The following EXOC2 variants were observed in gnomAD, a reference collection of about 807,000 sequenced individuals.
EXOC2 encodes SEC5-like 1.
A neutral mutation model predicts 131.8 loss-of-function variants in EXOC2; 70 were observed. The ratio of observed to expected loss-of-function variants is 0.53; its 90% CI spans 0.44 to 0.65. The LOEUF is 0.65. Ranked by LOEUF, EXOC2 falls within the 30% of genes least tolerant of loss-of-function variation. The pLI is 0.00. For synonymous variants in EXOC2, 411 were observed against 398.4 expected, an observed-to-expected ratio of 1.03 and a Z score of -0.38; for missense variants, 923 against 1,108.6, an observed-to-expected ratio of 0.83 and a Z score of 2.38.
At position 506,632 on chromosome 6, in the gene EXOC2, T is replaced by C. The variant is rs1293407803; in HGVS notation, c.2381-6932A>G. ...TATGAAATTAGAATGTGTCATGATA[T>C]TTGACAAAAAGTGTCCCCACCCACA... On this transcript the variant is annotated intron_variant, in intron 23 of 27. Coordinates refer to ENST00000230449, the MANE Select transcript of EXOC2 (RefSeq NM_018303.6). This position sits in a 1 kb window ranked among gnomAD's most constrained non-coding sequence, Gnocchi z 4.4. Among the ~76,000 whole-genome samples, 1 of 152,016 alleles carries C rather than the reference T, an allele frequency of 6.6e-6. No individual in the cohort carries two copies. The highest frequency in any genetic ancestry group is 1.5e-5 in the Non-Finnish European group (1 of 68,010).
intron 23 of EXOC2, among the ~76,000 whole-genome samples, chr6:516,827 T>C (rs922621872): frequency 3.9e-5 from 6 of 152,204 alleles, no homozygotes; most frequent in Non-Finnish European, 8.8e-5. Flanking sequence ...ATGCTTTCCA[T>C]AGCACCTCAG....
chr6:582,641 G>A (rs1213302333), intron 11 of EXOC2, among the ~76,000 whole-genome samples: 1 of 151,050 alleles, frequency 6.6e-6, no homozygotes, highest in Non-Finnish European at 1.5e-5. Flanking sequence ...GGGGGTGGGG[G>A]TGCGGTGGGC....
At chr6:688,692 T>C (rs13216502) in intron 1 of EXOC2, among the ~76,000 whole-genome samples, 14,598 of 152,192 alleles carry the variant, frequency 0.096, 762 homozygotes, top group Admixed American at 0.13. Context: ...TCTCCTTCTG[T>C]CCTTTCTGGT....
intron 3 of EXOC2, among the ~76,000 whole-genome samples, chr6:632,551 A>G (rs1301715725): frequency 2.6e-5 from 4 of 152,176 alleles, no homozygotes; most frequent in Non-Finnish European, 5.9e-5. Context: ...AGGAAAAGGG[A>G]ATATTATTTA....
Position 657,534 on chromosome 6 carries a change from C to T in EXOC2, c.-43-19673G>A, listed in dbSNP as rs142653291. On this transcript the variant is annotated intron_variant, in intron 1 of 27. Coordinates refer to ENST00000230449, the MANE Select transcript of EXOC2 (RefSeq NM_018303.6). ...ACACAAATGACATTTGGATGATTTC[C>T]AATTTTTTGCTATTATGAACACAAT... Among the ~76,000 whole-genome samples, 19 of 152,214 alleles carry T rather than the reference C, an allele frequency of 1.2e-4. No homozygotes were observed. In the East Asian group the frequency reaches 3.5e-3, roughly 28 times the overall value.
rs1759911089 is a variant in EXOC2 at position 597,964 on chromosome 6, T to C, written c.1073+57A>G. ...CAAGTTAGCCTTAAGGGTTACAAGA[T>C]GCATACAGTACCAAACAGATACATG... On this transcript the variant is annotated intron_variant, in intron 10 of 27. Coordinates refer to ENST00000230449, the MANE Select transcript of EXOC2 (RefSeq NM_018303.6). 8.7e-6 allele frequency: 11 copies of C among 1,260,134 alleles called. No individual in the cohort carries two copies. The East Asian group carries it at 1.2e-4, about 14-fold the overall frequency. 78.1% of individuals were successfully genotyped at this position (1,260,134 alleles called of 1,614,324 possible). A position where few individuals can be genotyped will look rare whatever the true frequency, so the allele number is the denominator to read the frequency against.
chr6:499,971 G>C lies in EXOC2; in HGVS notation c.2381-271C>G, dbSNP rs570186829. Among the ~76,000 whole-genome samples, 3 of 151,932 alleles carry C rather than the reference G, an allele frequency of 2.0e-5. No individual in the cohort carries two copies. The East Asian group carries it at 5.8e-4, about 29-fold the overall frequency. On this transcript the variant is annotated intron_variant, in intron 23 of 27. Coordinates refer to ENST00000230449, the MANE Select transcript of EXOC2 (RefSeq NM_018303.6). ...ACTGGCTCTCAGTCGGCCTCAAAATGAAAATTTAAGAATGTTCTTCAGTTT... is the reference window on the plus strand; with the variant it reads ...ACTGGCTCTCAGTCGGCCTCAAAATCAAAATTTAAGAATGTTCTTCAGTTT...
intron 1 of EXOC2, chr6:656,123 G>C: frequency 6.2e-7 from 1 of 1,605,538 alleles, no homozygotes; most frequent in Admixed American, 1.7e-5. Context: ...AGGCAGGAAT[G>C]AAATACTGAA....
rs2473492 is a variant in EXOC2 at position 566,673 on chromosome 6, T to G, written c.1444-1744A>C. ...CTCTTTTCTACATGTTGCAGTTTGT[T>G]AGGTCTTAGGCTTGGGTACTTTTTT... On this transcript the variant is annotated intron_variant, in intron 13 of 27. Coordinates refer to ENST00000230449, the MANE Select transcript of EXOC2 (RefSeq NM_018303.6). 2.2e-3 allele frequency among the ~76,000 whole-genome samples: 339 copies of G among 152,034 alleles called. 4 individuals are homozygous for G. The highest frequency in any genetic ancestry group is 6.8e-3 in the Middle Eastern group (2 of 294).
At chr6:534,855 G>A (rs898940961) in intron 22 of EXOC2, among the ~76,000 whole-genome samples, 3 of 152,150 alleles carry the variant, frequency 2.0e-5, no homozygotes, top group African/African-American at 7.2e-5. Context: ...CGAAATAGAT[G>A]ATTAGAGACT....
At chr6:513,069 A>G (rs1403315304) in intron 23 of EXOC2, among the ~76,000 whole-genome samples, 1 of 152,062 alleles carries the variant, frequency 6.6e-6, no homozygotes, top group Non-Finnish European at 1.5e-5. Flanking sequence ...CCCAGCTCCC[A>G]TTTTCAGGTA....
chr6:568,434 A>G (rs1425688516), intron 13 of EXOC2, among the ~76,000 whole-genome samples: 1 of 152,210 alleles, frequency 6.6e-6, no homozygotes, highest in Non-Finnish European at 1.5e-5. Context: ...TGGAGCTTAC[A>G]GCATCGGCCA....
At chr6:553,964 A>G (rs778197082) in intron 20 of EXOC2, 44 bp from the exon 21 acceptor site, 1 of 1,469,032 alleles carries the variant, frequency 6.8e-7, no homozygotes, top group South Asian at 1.1e-5. Flanking sequence ...TAAAGCACTC[A>G]AATTCAAAAA....
intron 4 of EXOC2, among the ~76,000 whole-genome samples, chr6:629,466 C>T (rs987106768): frequency 1.3e-5 from 2 of 152,160 alleles, no homozygotes; most frequent in African/African-American, 2.4e-5. Flanking sequence ...TTAGACCTGG[C>T]TATTCTAAAA....
chr6:582,268 A>G (rs1384926275), intron 11 of EXOC2, among the ~76,000 whole-genome samples: 2 of 151,908 alleles, frequency 1.3e-5, no homozygotes, highest in Non-Finnish European at 2.9e-5. Context: ...ACTCTATACC[A>G]CAAAAAGGGC....
chr6:505,978 C>A (rs1353373265), intron 23 of EXOC2, among the ~76,000 whole-genome samples: 1 of 152,200 alleles, frequency 6.6e-6, no homozygotes, highest in East Asian at 1.9e-4. Context: ...TTCTATAATG[C>A]TCAAGTCAGA....
chr6:561,774 C>T (rs1331613437), intron 17 of EXOC2, among the ~76,000 whole-genome samples: 21 of 152,026 alleles, frequency 1.4e-4, no homozygotes, highest in Non-Finnish European at 2.1e-4. Flanking sequence ...TTAGTAGAGA[C>T]GGGGTTTCAG....
chr6:596,587 G>T (rs1037585346), intron 10 of EXOC2, among the ~76,000 whole-genome samples: 5 of 152,034 alleles, frequency 3.3e-5, no homozygotes, highest in African/African-American at 1.2e-4. Context: ...GGCTAGTCTT[G>T]AACTCTTAGA....
intron 11 of EXOC2, among the ~76,000 whole-genome samples, chr6:589,503 A>T (rs140003601): frequency 6.6e-5 from 10 of 152,336 alleles, no homozygotes; most frequent in Non-Finnish European, 1.2e-4. Context: ...CCTCAACCGG[A>T]CTGCACCCTT....
Sources: allele counts gnomAD v4.1 joint callset (sites outside exome capture counted in the v4.1 genomes callset), GRCh38; gene constraint gnomAD v4.1.1; non-coding constraint Gnocchi (gnomAD v3.1); transcripts MANE v1.5; gene names NCBI Gene and HGNC (gene_info 2026-07-23, HGNC 2026-07-21).